The following FAM120A variants were observed in gnomAD, a reference collection of about 807,000 sequenced individuals.
FAM120A encodes family with sequence similarity 120 member A, also known as constitutive coactivator of PPAR-gamma-like protein 1.
A neutral mutation model predicts 109.7 loss-of-function variants in FAM120A; 15 were observed. The ratio of observed to expected loss-of-function variants is 0.14; its 90% CI spans 0.09 to 0.21. The LOEUF (loss-of-function observed/expected upper bound fraction) is 0.21. Among genes scored for constraint, FAM120A ranks in the 10% least tolerant of loss-of-function variants. The pLI is 1.00. For missense variants in FAM120A, 899 were observed against 1,439.3 expected (o/e 0.62, Z 6.07); for synonymous variants, 493 against 572.8 (o/e 0.86, Z 1.99).
intron 3 of FAM120A, among the ~76,000 whole-genome samples, chr9:93,495,814 C>CT (rs779487118): frequency 3.9e-5 from 6 of 152,136 alleles, no homozygotes; most frequent in Non-Finnish European, 5.9e-5. Flanking sequence ...TTGACTCTTC[C>CT]TTTCATGAAA....
intron 3 of FAM120A, among the ~76,000 whole-genome samples, chr9:93,489,807 G>A (rs565367722): frequency 1.3e-5 from 2 of 152,286 alleles, no homozygotes; most frequent in South Asian, 2.1e-4. Context: ...TCTCTTGACT[G>A]TTGTACTAGA....
chr9:93,554,930 G>A (rs1182351210), intron 12 of FAM120A, among the ~76,000 whole-genome samples: 2 of 152,182 alleles, frequency 1.3e-5, no homozygotes, highest in African/African-American at 4.8e-5. Context: ...CAGTGCAAGG[G>A]GCCAGGAGAT....
In FAM120A at chr9:93,564,226, C is replaced by T. The variant is rs779379104; in HGVS notation, c.3046-3C>T. ...CTCATTTGTTGTCCTTCATTTTAAA[C>T]AGGGCAGACCTCCTTATGCTGCTTC... is the stretch of plus-strand genomic sequence containing the variant. On this transcript the variant is annotated splice_region_variant and splice_polypyrimidine_tract_variant and intron_variant, in intron 17 of 17. Transcript: ENST00000277165. 40 of 1,594,638 alleles carry T rather than the reference C, an allele frequency of 2.5e-5. No individual in the cohort carries two copies. The Admixed American group carries it at 4.1e-4, about 16-fold the overall frequency.
Position 93,452,558 on chromosome 9 carries a change from G to A in FAM120A, c.474+169G>A, listed in dbSNP as rs1471494100. On this transcript the variant is annotated intron_variant, in intron 1 of 17. Coordinates refer to ENST00000277165, the MANE Select transcript of FAM120A (RefSeq NM_014612.5). This position sits in a 1 kb window ranked among gnomAD's most constrained non-coding sequence, Gnocchi z 7.0. ...GCCGGGCTGCAAGATGGATGGCCGC[G>A]GGTGCAGGCCGCGCGCTGCCCAAGC... 1.9e-6 allele frequency: 3 copies of A among 1,586,318 alleles called. No homozygotes were observed. The highest frequency in any genetic ancestry group is 2.6e-6 in the Non-Finnish European group (3 of 1,173,208).
intron 5 of FAM120A, among the ~76,000 whole-genome samples, chr9:93,508,831 G>A (rs1277697873): frequency 6.6e-6 from 1 of 152,164 alleles, no homozygotes; most frequent in African/African-American, 2.4e-5. Flanking sequence ...TTGCTCAATA[G>A]ATAGTGTTAA....
chr9:93,565,548 T>G lies in FAM120A; in HGVS notation c.*1008T>G, dbSNP rs1203996027. 4 of 152,438 alleles carry G rather than the reference T, an allele frequency of 2.6e-5. No homozygotes were observed. Among genetic ancestry groups the G allele is most frequent in the Non-Finnish European group, 5.9e-5 (4 of 68,030 alleles). The allele number at this position is 152,438 out of a possible 1,614,324, so 9.4% of individuals were successfully genotyped here. A position where few individuals can be genotyped will look rare whatever the true frequency, so the allele number is the denominator to read the frequency against. On this transcript the variant is annotated 3_prime_UTR_variant, in exon 18 of 18. Transcript: ENST00000277165. The stretch of plus-strand genomic sequence containing the variant: ...TTATTGACCTCTGTTGCATTTATTC[T>G]AAAGCCCCCCAAAAATTATCTAGCC...
At chr9:93,541,434 G>A (rs1861696517) in intron 10 of FAM120A, among the ~76,000 whole-genome samples, 2 of 152,102 alleles carry the variant, frequency 1.3e-5, no homozygotes, top group South Asian at 2.1e-4. Context: ...GATCGGGGTG[G>A]GGGCAGTGCC....
At chr9:93,467,044 G>T (rs1226143550) in intron 1 of FAM120A, among the ~76,000 whole-genome samples, 2 of 152,108 alleles carry the variant, frequency 1.3e-5, no homozygotes, top group East Asian at 1.9e-4. Flanking sequence ...AGATTTGTCA[G>T]TCTGCATTCT....
intron 11 of FAM120A, among the ~76,000 whole-genome samples, chr9:93,544,273 C>G (rs1861806423): frequency 6.6e-6 from 1 of 152,222 alleles, no homozygotes; most frequent in African/African-American, 2.4e-5. Flanking sequence ...CAAGATGCTT[C>G]AGGCACGCTT....
chr9:93,527,026 T>A, intron 7 of FAM120A, 129 bp from the exon 8 acceptor site: 1 of 685,306 alleles, frequency 1.5e-6, no homozygotes, highest in South Asian at 1.8e-5. Context: ...ATAGAGTTAT[T>A]TCTCGATGTT....
intron 1 of FAM120A, among the ~76,000 whole-genome samples, chr9:93,465,912 G>A (rs187036738): frequency 5.9e-5 from 9 of 152,266 alleles, no homozygotes; most frequent in Middle Eastern, 3.4e-3. Context: ...GTGTTTTATA[G>A]AATGTCCCCG....
intron 14 of FAM120A, 128 bp from the exon 15 acceptor site, chr9:93,558,453 C>A: frequency 3.4e-6 from 4 of 1,177,438 alleles, no homozygotes; most frequent in Non-Finnish European, 4.8e-6. Flanking sequence ...AGTGAGGTGA[C>A]AAGAGGGGCC....
In FAM120A at chr9:93,498,694, G is replaced by A. The variant is rs1859678128; in HGVS notation, c.934-96G>A. ...AAATTCTTCTCTAACTTGAAAAGCT[G>A]TAGAATATTATACATGTGCTGAATT... On this transcript the variant is annotated intron_variant, in intron 4 of 17. Coordinates refer to ENST00000277165, the MANE Select transcript of FAM120A (RefSeq NM_014612.5). The surrounding 1 kb of genome is among the most constrained non-coding windows in gnomAD (Gnocchi z 4.4). 5.1e-6 allele frequency: 4 copies of A among 783,262 alleles called. No individual in the cohort carries two copies. The highest frequency in any genetic ancestry group is 9.0e-6 in the Non-Finnish European group (4 of 445,262). 48.5% of individuals were successfully genotyped at this position (783,262 alleles called of 1,614,324 possible). A position where few individuals can be genotyped will look rare whatever the true frequency, so the allele number is the denominator to read the frequency against.
intron 7 of FAM120A, among the ~76,000 whole-genome samples, chr9:93,523,676 C>T (rs1178850279): frequency 1.3e-5 from 2 of 152,162 alleles, no homozygotes; most frequent in Non-Finnish European, 2.9e-5. Flanking sequence ...GGGGATAGCT[C>T]CGTGACCAGT....
At chr9:93,558,520 G>GC (rs759154352) in intron 14 of FAM120A, 61 bp from the exon 15 acceptor site, 50 of 1,586,252 alleles carry the variant, frequency 3.2e-5, no homozygotes, top group Admixed American at 8.6e-5. Flanking sequence ...TGAATACCCA[G>GC]CAGGGCCCTG....
chr9:93,530,737 T>C (rs1469841363), intron 9 of FAM120A: 1 of 152,200 alleles, frequency 6.6e-6, no homozygotes, highest in Non-Finnish European at 1.5e-5. Flanking sequence ...AAAGGGTAAG[T>C]GAAAAGTAAT....
intron 1 of FAM120A, among the ~76,000 whole-genome samples, chr9:93,469,656 G>C (rs1346818672): frequency 2.0e-5 from 3 of 152,172 alleles, no homozygotes; most frequent in Non-Finnish European, 4.4e-5. Context: ...CTGGTATACA[G>C]TGTTTTTAGA....
Position 93,489,416 on chromosome 9 carries a change from C to G in FAM120A, c.805-8055C>G, listed in dbSNP as rs145331718. 3.6e-3 allele frequency among the ~76,000 whole-genome samples: 550 copies of G among 152,290 alleles called. 4 individuals carry two copies. The highest frequency in any genetic ancestry group is 0.012 in the African/African-American group (512 of 41,540). On this transcript the variant is annotated intron_variant, in intron 3 of 17. Transcript: ENST00000277165. ...AGGTGACCACAGTACACTACAGTTT[C>G]CTCCTTGGACTGGTGGCACTTTTTT...
chr9:93,527,878 C>T (rs532442588), intron 8 of FAM120A, among the ~76,000 whole-genome samples: 41 of 152,106 alleles, frequency 2.7e-4, no homozygotes, highest in Non-Finnish European at 5.7e-4. Context: ...CCTCCTCAGC[C>T]TCCCAAAGTG....
Sources: gnomAD v4.1 joint callset for allele counts (sites outside exome capture counted in the v4.1 genomes callset) on GRCh38, gnomAD v4.1.1 for gene constraint, Gnocchi (gnomAD v3.1) non-coding constraint, MANE v1.5 for transcripts, NCBI Gene and HGNC (gene_info 2026-07-23, HGNC 2026-07-21) for gene names.